SPATA16: variants seen among roughly 807,000 people sequenced by gnomAD.
SPATA16 encodes spermatogenesis associated 16.
Under a neutral mutation model 63.3 loss-of-function variants are expected in SPATA16, and 36 were observed. That is an observed-to-expected ratio of 0.57 (90% CI 0.44 to 0.75). The LOEUF is 0.75. Ranked by LOEUF, SPATA16 falls within the 30% of genes least tolerant of loss-of-function variation. SPATA16 has a pLI of 0.00. For synonymous variants in SPATA16, 203 were observed against 216.7 expected, an observed-to-expected ratio of 0.94 and a Z score of 0.56; for missense variants, 646 against 679.3, an observed-to-expected ratio of 0.95 and a Z score of 0.54.
intron 4 of SPATA16, 134 bp from the exon 5 acceptor site, chr3:172,977,186 C>A: frequency 2.7e-6 from 2 of 753,228 alleles, no homozygotes; most frequent in Admixed American, 2.3e-5. Context: ...TAATATTAAG[C>A]AAAACACAAA....
chr3:173,130,080 C>T (rs1163355281), intron 1 of SPATA16, among the ~76,000 whole-genome samples: 2 of 151,922 alleles, frequency 1.3e-5, no homozygotes, highest in African/African-American at 4.8e-5. Flanking sequence ...ATCCTATAAT[C>T]GCCCGGGCGC....
intron 4 of SPATA16, among the ~76,000 whole-genome samples, chr3:172,981,051 C>A (rs1159287455): frequency 6.6e-6 from 1 of 152,158 alleles, no homozygotes; most frequent in Non-Finnish European, 1.5e-5. Context: ...TCTTCATTTT[C>A]TATACATTCT....
intron 2 of SPATA16, among the ~76,000 whole-genome samples, chr3:173,049,668 T>A (rs1359710868): frequency 6.6e-6 from 1 of 152,126 alleles, no homozygotes; most frequent in Non-Finnish European, 1.5e-5. Flanking sequence ...AAGTGAAAAT[T>A]TATTAGAATT....
In SPATA16 at chr3:172,995,661, A is replaced by T. The variant is rs568785716; in HGVS notation, c.849-18609T>A. Among the ~76,000 whole-genome samples the T allele has an allele frequency of 2.0e-5, 3 of 152,260 alleles. No individual in the cohort carries two copies. In the East Asian group the frequency reaches 5.8e-4, roughly 29 times the overall value. Reference sequence around the variant, plus strand: ...GCTTTCAAATTTGAGAATATGGTGGATAAGATAATCAGAGAAACCCTACCC... The same window carrying T: ...GCTTTCAAATTTGAGAATATGGTGGTTAAGATAATCAGAGAAACCCTACCC... On this transcript the variant is annotated intron_variant, in intron 4 of 10. Coordinates refer to ENST00000351008, the MANE Select transcript of SPATA16 (RefSeq NM_031955.6).
At chr3:172,922,192 T>G (rs959692705) in intron 8 of SPATA16, among the ~76,000 whole-genome samples, 1 of 152,054 alleles carries the variant, frequency 6.6e-6, no homozygotes. Context: ...ACCTGATATT[T>G]AGATATATTT....
At chr3:172,929,482 A>G (rs561005901) in intron 6 of SPATA16, among the ~76,000 whole-genome samples, 1 of 152,252 alleles carries the variant, frequency 6.6e-6, no homozygotes, top group East Asian at 1.9e-4. Context: ...CAAGTCCTCA[A>G]GCTATTCTGG....
At chr3:172,902,964 T>C (rs1248346228) in intron 10 of SPATA16, among the ~76,000 whole-genome samples, 1 of 152,178 alleles carries the variant, frequency 6.6e-6, no homozygotes, top group Non-Finnish European at 1.5e-5. Context: ...AGATGAAAGG[T>C]ATAATGAATA....
intron 2 of SPATA16, among the ~76,000 whole-genome samples, chr3:173,093,463 T>C (rs1316228441): frequency 2.0e-5 from 3 of 152,140 alleles, no homozygotes; most frequent in Non-Finnish European, 2.9e-5. Flanking sequence ...GGAGAGAACA[T>C]GTCTGCTTTG....
At chr3:172,932,049 C>T (rs1368841394) in intron 6 of SPATA16, among the ~76,000 whole-genome samples, 1 of 152,110 alleles carries the variant, frequency 6.6e-6, no homozygotes, top group Non-Finnish European at 1.5e-5. Context: ...TGTAGATGAA[C>T]AGACTCATCT....
intron 2 of SPATA16, among the ~76,000 whole-genome samples, chr3:173,082,659 G>T (rs1036373708): frequency 6.6e-6 from 1 of 152,200 alleles, no homozygotes; most frequent in Non-Finnish European, 1.5e-5. Flanking sequence ...GTCTAATGGG[G>T]GTTGTGGGCT....
At chr3:173,033,258 G>A (rs1735644356) in intron 3 of SPATA16, among the ~76,000 whole-genome samples, 1 of 151,918 alleles carries the variant, frequency 6.6e-6, no homozygotes, top group Admixed American at 6.6e-5. Context: ...TCTTTCATCT[G>A]TCAAATGCCT....
chr3:172,904,976 C>T (rs1280979215), intron 10 of SPATA16, among the ~76,000 whole-genome samples: 2 of 152,086 alleles, frequency 1.3e-5, no homozygotes, highest in Non-Finnish European at 2.9e-5. Context: ...TCCATTAGTC[C>T]CAGGAACCTG....
chr3:172,908,154 T>C (rs537688272), intron 10 of SPATA16, among the ~76,000 whole-genome samples: 1 of 152,332 alleles, frequency 6.6e-6, no homozygotes, highest in South Asian at 2.1e-4. Context: ...AAATGTGTGA[T>C]GAGTGCATAA....
At chr3:172,923,557 C>A (rs183052456) in intron 8 of SPATA16, among the ~76,000 whole-genome samples, 1 of 152,300 alleles carries the variant, frequency 6.6e-6, no homozygotes, top group Non-Finnish European at 1.5e-5. Flanking sequence ...AAGGAGAAAT[C>A]TGCAGCCTTT....
chr3:172,970,608 A>G (rs984045860), intron 5 of SPATA16, among the ~76,000 whole-genome samples: 3 of 152,218 alleles, frequency 2.0e-5, no homozygotes, highest in Admixed American at 6.5e-5. Flanking sequence ...TAAATACTAT[A>G]GAGCCTGGGC....
chr3:172,943,633 G>A (rs1156299191), intron 6 of SPATA16, among the ~76,000 whole-genome samples: 5 of 152,090 alleles, frequency 3.3e-5, no homozygotes, highest in African/African-American at 7.2e-5. Flanking sequence ...CCAGCTACTC[G>A]AGAGGCTGAG....
chr3:173,085,463 G>C (rs1021757865), intron 2 of SPATA16, among the ~76,000 whole-genome samples: 20 of 152,074 alleles, frequency 1.3e-4, no homozygotes, highest in Admixed American at 1.2e-3. Context: ...TGTAAACAGA[G>C]ACAATTTGAC....
At chr3:173,109,600 A>T (rs1209634658) in intron 2 of SPATA16, among the ~76,000 whole-genome samples, 1 of 152,174 alleles carries the variant, frequency 6.6e-6, no homozygotes, top group East Asian at 1.9e-4. Context: ...CGGGGTTGGG[A>T]TGATAACCAT....
At chr3:173,060,638 T>C (rs1736354141) in intron 2 of SPATA16, among the ~76,000 whole-genome samples, 1 of 152,186 alleles carries the variant, frequency 6.6e-6, no homozygotes. Context: ...AATAAAACAC[T>C]TACTATTGCC....
Sources: allele counts gnomAD v4.1 joint callset (sites outside exome capture counted in the v4.1 genomes callset), GRCh38; gene constraint gnomAD v4.1.1; transcripts MANE v1.5; gene names NCBI Gene and HGNC (gene_info 2026-07-23, HGNC 2026-07-21).